Variants in ZNF791 observed in about 807,000 individuals in gnomAD.
ZNF791 encodes zinc finger protein 791.
Under a neutral mutation model 11.5 loss-of-function variants are expected in ZNF791, and 4 were observed. That is an observed-to-expected ratio of 0.35 (90% CI 0.17 to 0.80). The LOEUF is 0.80. ZNF791 is among the 30% of genes least tolerant of loss of function. The probability of loss-of-function intolerance (pLI) is 0.53; values close to 1 mark genes in which losing one functional copy is unlikely to be tolerated. For synonymous variants in ZNF791, 212 were observed against 228.1 expected, an observed-to-expected ratio of 0.93 and a Z score of 0.64; for missense variants, 559 against 699.4, an observed-to-expected ratio of 0.80 and a Z score of 2.26.
chr19:12,614,840 A>T (rs1221768967), intron 1 of ZNF791, among the ~76,000 whole-genome samples: 1 of 112,394 alleles, frequency 8.9e-6, no homozygotes, highest in Admixed American at 1.1e-4. Flanking sequence ...TGATCTGCCC[A>T]CCTTGGCCTC....
rs951564621 is a variant in ZNF791, at chr19:12,629,658, G to T, written c.*398G>T. The T allele has an allele frequency of 6.5e-6, 1 of 153,590 alleles. No homozygotes were observed. The highest frequency in any genetic ancestry group is 2.0e-4 in the South Asian group (1 of 4,912). 9.5% of individuals were successfully genotyped at this position (153,590 alleles called of 1,614,324 possible). A position where few individuals can be genotyped will look rare whatever the true frequency, so the allele number is the denominator to read the frequency against. Reference sequence around the variant, plus strand: ...AGCACTTTGGGAGGCCAAGGCGGGCGGATCACGAGGCCAGGAGATCAAGAC... The same window carrying T: ...AGCACTTTGGGAGGCCAAGGCGGGCTGATCACGAGGCCAGGAGATCAAGAC... On this transcript the variant is annotated 3_prime_UTR_variant, in exon 4 of 4. Coordinates refer to ENST00000343325, the MANE Select transcript of ZNF791 (RefSeq NM_153358.3).
intron 1 of ZNF791, among the ~76,000 whole-genome samples, chr19:12,616,958 C>T (rs1455715185): frequency 3.3e-5 from 2 of 61,266 alleles, no homozygotes; most frequent in Non-Finnish European, 1.0e-4. Flanking sequence ...CATCTATGAT[C>T]GATTTGGGCT....
chr19:12,622,940 T>C (rs763631204), intron 1 of ZNF791, among the ~76,000 whole-genome samples: 5 of 142,492 alleles, frequency 3.5e-5, no homozygotes, highest in Non-Finnish European at 7.7e-5. Flanking sequence ...TATCTGGGAG[T>C]GGTGTTGCAC....
chr19:12,626,674 A>G (rs2023433537), intron 3 of ZNF791, among the ~76,000 whole-genome samples: 1 of 151,894 alleles, frequency 6.6e-6, no homozygotes, highest in Non-Finnish European at 1.5e-5. Context: ...GTGCCATCTC[A>G]GCTCACTGCA....
rs2023525950 is a variant in ZNF791 at position 12,633,813 on chromosome 19, A to G, written c.*4553A>G. 6.8e-6 allele frequency: 1 copy of G among 147,828 alleles called. No homozygotes were observed. The highest frequency in any genetic ancestry group is 2.7e-5 in the African/African-American group (1 of 37,710). 9.2% of individuals were successfully genotyped at this position (147,828 alleles called of 1,614,324 possible). On this transcript the variant is annotated 3_prime_UTR_variant, in exon 4 of 4. Coordinates refer to ENST00000343325, the MANE Select transcript of ZNF791 (RefSeq NM_153358.3). ...TGATTCCACCATGACAGCTACAGTA[A>G]AACAGTAAAAAAAAAAAAAAACAAC...
intron 2 of ZNF791, 29 bp from the exon 3 acceptor site, chr19:12,624,621 A>C (rs753549412): frequency 6.6e-7 from 1 of 1,518,532 alleles, no homozygotes. Flanking sequence ...TTAATAATTT[A>C]TCATGATTAT....
rs557355322 is a variant in ZNF791 at position 12,623,819 on chromosome 19, A to G, written c.123A>G (p.Ala41=). ...DVMQETFKNL[A]SIGEKWEDPN... ...TGCAGGAAACATTCAAGAACCTGGCATCTATAGGTAAGGATGACATCATTT... is the reference window on the plus strand; with the variant it reads ...TGCAGGAAACATTCAAGAACCTGGCGTCTATAGGTAAGGATGACATCATTT... Residue 41 remains alanine (A), a synonymous_variant, in exon 2 of 4, where the codon GCA becomes GCG. Coordinates refer to ENST00000343325, the MANE Select transcript of ZNF791 (RefSeq NM_153358.3). The G allele has an allele frequency of 5.0e-5, 75 of 1,496,938 alleles. No individual in the cohort carries two copies. The East Asian group carries it at 1.0e-3, about 20-fold the overall frequency. 92.7% of individuals were successfully genotyped at this position (1,496,938 alleles called of 1,614,324 possible).
At chr19:12,616,443 G>A (rs1374564928) in intron 1 of ZNF791, among the ~76,000 whole-genome samples, 2 of 152,196 alleles carry the variant, frequency 1.3e-5, no homozygotes, top group Admixed American at 6.6e-5. Context: ...CAAAAAGGAC[G>A]CTAGGCATGG....
chr19:12,628,542 G>A lies in ZNF791; in HGVS notation c.1013G>A (p.Ser338Asn), dbSNP rs775603431. 1.1e-5 allele frequency: 17 copies of A among 1,604,040 alleles called. No individual in the cohort carries two copies. Among genetic ancestry groups the A allele is most frequent in the Non-Finnish European group, 1.4e-5 (16 of 1,175,516 alleles). Residue 338 changes from serine to asparagine, a missense_variant, in exon 4 of 4, where the codon AGT becomes AAT. Coordinates refer to ENST00000343325, the MANE Select transcript of ZNF791 (RefSeq NM_153358.3). Reference sequence around the variant, plus strand: ...TGTAAAGAATGTGGGAAATCTTTCAGTGCACGCCCAGCCTTTCGAGTACAC... The same window carrying A: ...TGTAAAGAATGTGGGAAATCTTTCAATGCACGCCCAGCCTTTCGAGTACAC... ...YKCKECGKSF[S>N]ARPAFRVHVR...
chr19:12,621,728 CCCCCCT>C, intron 1 of ZNF791, among the ~76,000 whole-genome samples: 2 of 62,322 alleles, frequency 3.2e-5, no homozygotes, highest in Non-Finnish European at 8.3e-5. Flanking sequence ...GGGGGGTCAG[CCCCCCT>C]GCCCGGCCAG....
chr19:12,626,182 A>G (rs1335411238), intron 3 of ZNF791, among the ~76,000 whole-genome samples: 2 of 152,092 alleles, frequency 1.3e-5, no homozygotes, highest in African/African-American at 2.4e-5. Context: ...ATGCCCGGCT[A>G]ATTTTTGTGT....
chr19:12,626,381 C>T (rs2023428921), intron 3 of ZNF791, among the ~76,000 whole-genome samples: 1 of 151,684 alleles, frequency 6.6e-6, no homozygotes, highest in Non-Finnish European at 1.5e-5. Flanking sequence ...GATCTCCTGA[C>T]CTCGTGATCT....
At chr19:12,623,550 A>T (rs2023383485) in intron 1 of ZNF791, 150 bp from the exon 2 acceptor site, 1 of 923,494 alleles carries the variant, frequency 1.1e-6, no homozygotes, top group East Asian at 2.5e-5. Flanking sequence ...CTATAAGTTT[A>T]TGTGTTCAAT....
chr19:12,625,033 G>C (rs981451771), intron 3 of ZNF791, among the ~76,000 whole-genome samples: 6 of 151,540 alleles, frequency 4.0e-5, no homozygotes, highest in African/African-American at 1.5e-4. Context: ...CTGGGCAACA[G>C]AGCGAGACTC....
At chr19:12,624,599 T>G (rs1388504970) in intron 2 of ZNF791, 51 bp from the exon 3 acceptor site, 14 of 1,350,142 alleles carry the variant, frequency 1.0e-5, no homozygotes, top group Non-Finnish European at 1.4e-5. Context: ...TCTAATAATA[T>G]TTGTATAATT....
chr19:12,613,309 C>T (rs997750600), intron 1 of ZNF791, among the ~76,000 whole-genome samples: 8 of 150,850 alleles, frequency 5.3e-5, no homozygotes, highest in African/African-American at 1.9e-4. Flanking sequence ...GGGCCCGGCA[C>T]GGTGGCTCAT....
Position 12,628,914 on chromosome 19 carries a change from A to G in ZNF791, c.1385A>G (p.His462Arg). 6.2e-7 allele frequency: 1 copy of G among 1,613,896 alleles called. No individual in the cohort carries two copies. The highest frequency in any genetic ancestry group is 8.5e-7 in the Non-Finnish European group (1 of 1,179,918). The change falls in exon 4 of 4, where the codon CAC becomes CGC. Residue 462 changes from histidine to arginine, a missense_variant. Physicochemically the swap from His to Arg is conservative, Grantham distance 29 (BLOSUM62 0). Coordinates refer to ENST00000343325, the MANE Select transcript of ZNF791 (RefSeq NM_153358.3). ...GCGTTACGAACACATGAAAGAACTCACACTGGAGAGAAACCCTATGAATGT... is the reference window on the plus strand; with the variant it reads ...GCGTTACGAACACATGAAAGAACTCGCACTGGAGAGAAACCCTATGAATGT... ...PSALRTHERT[H>R]TGEKPYECKQ... is the part of the protein sequence containing the mutation.
Position 12,633,527 on chromosome 19 carries a change from G to C in ZNF791, c.*4267G>C, listed in dbSNP as rs1298841586. On this transcript the variant is annotated 3_prime_UTR_variant, in exon 4 of 4. Coordinates refer to ENST00000343325, the MANE Select transcript of ZNF791 (RefSeq NM_153358.3). Reference sequence around the variant, plus strand: ...TGGTTATTTTCTCTGCCAATCAAAAGTATCCTGAAAACACCCTGAGCTGCT... The same window carrying C: ...TGGTTATTTTCTCTGCCAATCAAAACTATCCTGAAAACACCCTGAGCTGCT... The C allele has an allele frequency of 6.6e-6, 1 of 152,158 alleles. No individual in the cohort carries two copies. The highest frequency in any genetic ancestry group is 1.5e-5 in the Non-Finnish European group (1 of 68,036). 9.4% of individuals were successfully genotyped at this position (152,158 alleles called of 1,614,324 possible).
At chr19:12,627,039 G>T (rs911994779) in intron 3 of ZNF791, among the ~76,000 whole-genome samples, 1 of 152,082 alleles carries the variant, frequency 6.6e-6, no homozygotes, top group Non-Finnish European at 1.5e-5. Flanking sequence ...AATTCAGTCA[G>T]TTGTGGTGGT....
Sources: gnomAD v4.1 joint callset for allele counts (sites outside exome capture counted in the v4.1 genomes callset) on GRCh38, gnomAD v4.1.1 for gene constraint, MANE v1.5 for transcripts, NCBI Gene and HGNC (gene_info 2026-07-23, HGNC 2026-07-21) for gene names.